The following ARHGAP24 variants were observed in gnomAD, a reference collection of about 807,000 sequenced individuals.
The protein encoded by ARHGAP24 is Rho GTPase activating protein 24.
ARHGAP24 carries 50 observed loss-of-function variants against 76.4 expected under a neutral mutation model. The observed-to-expected ratio is 0.65, with a 90% CI of 0.52 to 0.83. The LOEUF (loss-of-function observed/expected upper bound fraction) is 0.83. ARHGAP24 is among the 40% of genes least tolerant of loss of function. ARHGAP24 has a pLI of 0.00. For missense variants in ARHGAP24, 930 were observed against 914.2 expected (o/e 1.02, Z -0.22); for synonymous variants, 345 against 323.3 (o/e 1.07, Z -0.72).
chr4:85,543,632 T>C (rs1193255782), intron 1 of ARHGAP24, among the ~76,000 whole-genome samples: 1 of 152,192 alleles, frequency 6.6e-6, no homozygotes, highest in Non-Finnish European at 1.5e-5. Context: ...GTGTTTATGA[T>C]AGTGTTAATA....
Position 85,580,153 on chromosome 4 carries a change from G to GGAGAGA in ARHGAP24, c.180+9451_180+9456dup, listed in dbSNP as rs140863021. On this transcript the variant is annotated intron_variant, in intron 2 of 9. Coordinates refer to ENST00000395184, the MANE Select transcript of ARHGAP24 (RefSeq NM_001025616.3). ...GTGTGTGGTGGGGGGGGAGGGTGAT[G>GGAGAGA]GAGAGAGAGAGAGAGAGAGAGAGAC... Among the ~76,000 whole-genome samples the GGAGAGA allele has an allele frequency of 2.7e-5, 4 of 148,160 alleles. No homozygotes were observed. In the South Asian group the frequency reaches 6.4e-4, roughly 24 times the overall value.
intron 2 of ARHGAP24, among the ~76,000 whole-genome samples, chr4:85,625,277 G>A (rs1720901405): frequency 6.6e-6 from 1 of 152,034 alleles, no homozygotes; most frequent in Non-Finnish European, 1.5e-5. Context: ...TTGTGTCTTT[G>A]TTCTCGTTGG....
intron 3 of ARHGAP24, among the ~76,000 whole-genome samples, chr4:85,732,115 A>G (rs1725432640): frequency 6.6e-6 from 1 of 152,228 alleles, no homozygotes; most frequent in Admixed American, 6.5e-5. Context: ...CTTTCAATCT[A>G]ATCAAGCTAT....
chr4:85,677,194 G>T (rs984546584), intron 2 of ARHGAP24, among the ~76,000 whole-genome samples: 21 of 152,166 alleles, frequency 1.4e-4, no homozygotes, highest in Non-Finnish European at 7.3e-5. Flanking sequence ...CTTTTGCTTT[G>T]CTCTTCTCTC....
At chr4:85,859,167 A>G (rs187631287) in intron 3 of ARHGAP24, among the ~76,000 whole-genome samples, 9 of 151,356 alleles carry the variant, frequency 5.9e-5, no homozygotes, top group African/African-American at 9.7e-5. Context: ...ACTTCTGTGC[A>G]CACACACACA....
rs745852491 is a variant in ARHGAP24 at position 85,721,924 on chromosome 4, C to T, written c.220C>T (p.Pro74Ser). 2 of 1,613,510 alleles carry T rather than the reference C, an allele frequency of 1.2e-6. No homozygotes were observed. The highest frequency in any genetic ancestry group is 2.2e-5 in the East Asian group (1 of 44,800). Reference protein sequence around the residue: ...FLPGNKVSEHPCNEENPGKFL... With the variant: ...FLPGNKVSEHSCNEENPGKFL... ...GCCTGGAAATAAAGTTTCTGAGCAT[C>T]CCTGCAATGAAGAGAACCCAGGGAA... is the stretch of plus-strand genomic sequence containing the variant. The change falls in exon 3 of 10, where the codon CCC becomes TCC. Residue 74 changes from proline to serine, a missense_variant. Physicochemically the swap from Pro to Ser is moderately conservative, Grantham distance 74. Transcript: ENST00000395184.
intron 5 of ARHGAP24, among the ~76,000 whole-genome samples, chr4:85,959,137 T>C (rs1452617522): frequency 1.3e-5 from 2 of 152,180 alleles, no homozygotes; most frequent in African/African-American, 2.4e-5. Context: ...ATTTTTATGG[T>C]TATTTCTTGA....
At chr4:85,846,596 G>A (rs1197078979) in intron 3 of ARHGAP24, among the ~76,000 whole-genome samples, 2 of 152,164 alleles carry the variant, frequency 1.3e-5, no homozygotes, top group African/African-American at 4.8e-5. Context: ...TCACCTAATG[G>A]TGATGGGGTC....
chr4:85,969,111 G>T (rs2073071918), intron 5 of ARHGAP24, among the ~76,000 whole-genome samples: 1 of 152,116 alleles, frequency 6.6e-6, no homozygotes, highest in South Asian at 2.1e-4. Flanking sequence ...GAGGAAGAAT[G>T]ATTCTGCGGC....
chr4:85,483,996 C>T (rs752407984), intron 1 of ARHGAP24, among the ~76,000 whole-genome samples: 1 of 152,200 alleles, frequency 6.6e-6, no homozygotes, highest in African/African-American at 2.4e-5. Flanking sequence ...TATCTAAATA[C>T]TTAAGAGTGA....
At chr4:85,489,031 G>C (rs939472705) in intron 1 of ARHGAP24, among the ~76,000 whole-genome samples, 1 of 152,132 alleles carries the variant, frequency 6.6e-6, no homozygotes, top group Admixed American at 6.5e-5. Context: ...AATTATGTTT[G>C]AACCCATTTA....
In ARHGAP24 at chr4:85,974,883, C is replaced by T; in HGVS notation, c.733-5C>T. 4 of 1,612,942 alleles carry T rather than the reference C, an allele frequency of 2.5e-6. No homozygotes were observed. The highest frequency in any genetic ancestry group is 1.1e-5 in the South Asian group (1 of 91,060). ...AATAATATTTATTTTCTTCTTTGTA[C>T]TCAGGGTGTTAAGGAATTAGCAAAG... On this transcript the variant is annotated splice_polypyrimidine_tract_variant and splice_region_variant and intron_variant, in intron 6 of 9. Coordinates refer to ENST00000395184, the MANE Select transcript of ARHGAP24 (RefSeq NM_001025616.3).
intron 3 of ARHGAP24, among the ~76,000 whole-genome samples, chr4:85,842,586 A>G (rs1420398198): frequency 6.6e-6 from 1 of 152,212 alleles, no homozygotes; most frequent in Non-Finnish European, 1.5e-5. Flanking sequence ...AAAGAAAACA[A>G]CTTAATTATT....
At chr4:85,839,144 C>T (rs1730450016) in intron 3 of ARHGAP24, among the ~76,000 whole-genome samples, 1 of 152,142 alleles carries the variant, frequency 6.6e-6, no homozygotes, top group Admixed American at 6.5e-5. Context: ...TTTCAGCAAT[C>T]ATAATAAAAC....
chr4:85,661,965 C>A (rs959969380), intron 2 of ARHGAP24, among the ~76,000 whole-genome samples: 4 of 152,150 alleles, frequency 2.6e-5, no homozygotes, highest in Non-Finnish European at 4.4e-5. Flanking sequence ...GTGAATAGTG[C>A]AGCAGTAAAC....
At chr4:85,686,132 G>C (rs1002355307) in intron 2 of ARHGAP24, among the ~76,000 whole-genome samples, 5 of 152,180 alleles carry the variant, frequency 3.3e-5, no homozygotes, top group African/African-American at 1.2e-4. Context: ...CAAAAGACTG[G>C]CCTGGGCACA....
intron 1 of ARHGAP24, among the ~76,000 whole-genome samples, chr4:85,545,102 TTTA>T (rs1725866663): frequency 6.6e-6 from 1 of 151,926 alleles, no homozygotes; most frequent in Non-Finnish European, 1.5e-5. Flanking sequence ...TTCTTTTTTT[TTTA>T]AATTTTTTAA....
At chr4:85,905,209 G>T (rs1344744433) in intron 3 of ARHGAP24, among the ~76,000 whole-genome samples, 5 of 152,132 alleles carry the variant, frequency 3.3e-5, no homozygotes, top group Admixed American at 3.3e-4. Context: ...TAAGGGCAAA[G>T]TAGTGTTTGT....
chr4:85,704,126 G>GAGT (rs1724208902), intron 2 of ARHGAP24, among the ~76,000 whole-genome samples: 1 of 152,142 alleles, frequency 6.6e-6, no homozygotes, highest in South Asian at 2.1e-4. Context: ...TTTCACTGCA[G>GAGT]AGTAGTATTC....
Sources: allele counts gnomAD v4.1 joint callset (sites outside exome capture counted in the v4.1 genomes callset), GRCh38; gene constraint gnomAD v4.1.1; transcripts MANE v1.5; gene names NCBI Gene and HGNC (gene_info 2026-07-23, HGNC 2026-07-21).